Variants in TARBP1 observed in about 807,000 individuals in gnomAD.
TARBP1 encodes the protein tRNA (guanosine(18)-2'-O)-methyltransferase TARBP1.
In TARBP1, 144 loss-of-function variants were observed where a neutral mutation model predicts 178.6. That is an observed-to-expected ratio of 0.81 (90% CI 0.70 to 0.93). The LOEUF (loss-of-function observed/expected upper bound fraction) is 0.93, where lower values mean the gene tolerates loss of function less well. Among genes scored for constraint, TARBP1 ranks in the 40% least tolerant of loss-of-function variants. The pLI is 0.00. For synonymous variants in TARBP1, 787 were observed against 781.0 expected (o/e 1.01, Z -0.13); for missense variants, 2,067 against 2,011.7 (o/e 1.03, Z -0.53).
At chr1:234,411,822 G>T (rs958059564) in intron 22 of TARBP1, among the ~76,000 whole-genome samples, 6 of 152,076 alleles carry the variant, frequency 3.9e-5, no homozygotes, top group African/African-American at 1.2e-4. Flanking sequence ...CATTATTTTA[G>T]TGATAATAAA....
rs572900167 is a variant in TARBP1, at chr1:234,458,531, G to A, written c.1632+699C>T. Among the ~76,000 whole-genome samples, 12 of 152,134 alleles carry A rather than the reference G, an allele frequency of 7.9e-5. No homozygotes were observed. In the South Asian group the frequency reaches 1.0e-3, roughly 13 times the overall value. ...ATAGTTTTTTTGGAATATAGCCAACGCCTGTTTATTTAGTTCAGAAGTTGC... is the reference window on the plus strand; with the variant it reads ...ATAGTTTTTTTGGAATATAGCCAACACCTGTTTATTTAGTTCAGAAGTTGC... On this transcript the variant is annotated intron_variant, in intron 8 of 29. Coordinates refer to ENST00000040877, the MANE Select transcript of TARBP1 (RefSeq NM_005646.4).
chr1:234,398,271 C>A, intron 26 of TARBP1, 111 bp downstream of exon 26: 1 of 882,016 alleles, frequency 1.1e-6, no homozygotes, highest in Non-Finnish European at 1.6e-6. Flanking sequence ...GCAGAGGTCA[C>A]CATGTCAATG....
intron 20 of TARBP1, among the ~76,000 whole-genome samples, chr1:234,421,650 G>T (rs1376621888): frequency 6.6e-6 from 1 of 152,224 alleles, no homozygotes; most frequent in Non-Finnish European, 1.5e-5. Flanking sequence ...CAAGAAAATG[G>T]CAGCACTGAG....
chr1:234,463,938 C>A lies in TARBP1; in HGVS notation c.1302-4G>T. 6.4e-7 allele frequency: 1 copy of A among 1,557,192 alleles called. No individual in the cohort carries two copies. The highest frequency in any genetic ancestry group is 2.0e-5 in the Admixed American group (1 of 50,566). ...TCCTATTGGCTGGCCTGGGGACCTA[C>A]AAACAGAGAGTGGGGAAAACAAATA... On this transcript the variant is annotated splice_region_variant and splice_polypyrimidine_tract_variant and intron_variant, in intron 5 of 29. Coordinates refer to ENST00000040877, the MANE Select transcript of TARBP1 (RefSeq NM_005646.4).
chr1:234,451,275 A>G (rs1301497923), intron 9 of TARBP1, among the ~76,000 whole-genome samples: 2 of 152,238 alleles, frequency 1.3e-5, no homozygotes, highest in Middle Eastern at 3.2e-3. Context: ...TTTCCTTTTT[A>G]TAATATCTGT....
chr1:234,464,585 T>C lies in TARBP1; in HGVS notation c.1302-651A>G, dbSNP rs1321036178. On this transcript the variant is annotated intron_variant, in intron 5 of 29. Coordinates refer to ENST00000040877, the MANE Select transcript of TARBP1 (RefSeq NM_005646.4). ...ATTGCTTCAGAAAACTATTCAGTAG[T>C]AATGAGTTATTTGAAAACTAAAAAT... is the stretch of plus-strand genomic sequence containing the variant. Among the ~76,000 whole-genome samples, 3 of 152,324 alleles carry C rather than the reference T, an allele frequency of 2.0e-5. No homozygotes were observed. The East Asian group carries it at 5.8e-4, about 29-fold the overall frequency.
chr1:234,395,385 A>G (rs965945198), intron 26 of TARBP1, among the ~76,000 whole-genome samples: 2 of 152,218 alleles, frequency 1.3e-5, no homozygotes, highest in African/African-American at 4.8e-5. Context: ...CCAGGTAAAA[A>G]CAATGCCAGT....
chr1:234,435,971 G>T (rs1230624754), intron 13 of TARBP1, among the ~76,000 whole-genome samples: 1 of 152,100 alleles, frequency 6.6e-6, no homozygotes, highest in Non-Finnish European at 1.5e-5. Context: ...GGAAAGTGTG[G>T]GAAGAGAATT....
intron 24 of TARBP1, among the ~76,000 whole-genome samples, chr1:234,403,232 C>T (rs1182219969): frequency 6.6e-6 from 1 of 152,212 alleles, no homozygotes; most frequent in African/African-American, 2.4e-5. Flanking sequence ...CCAGACCAAG[C>T]TTGCTTTAGT....
At chr1:234,408,351 T>G (rs151044142) in intron 23 of TARBP1, among the ~76,000 whole-genome samples, 1 of 152,322 alleles carries the variant, frequency 6.6e-6, no homozygotes, top group South Asian at 2.1e-4. Flanking sequence ...TTCCTGGGTG[T>G]AGGCTCAACT....
In TARBP1 at chr1:234,394,382, A is replaced by G. The variant is rs907032900; in HGVS notation, c.4244-545T>C. ...TGAGGACACAGAACGTTACTAGCCT[A>G]TCTGACTGCAGTGTTTTCATCTCTG... On this transcript the variant is annotated intron_variant, in intron 26 of 29. Transcript: ENST00000040877. Among the ~76,000 whole-genome samples, 3 of 152,358 alleles carry G rather than the reference A, an allele frequency of 2.0e-5. No homozygotes were observed. The South Asian group carries it at 6.2e-4, about 32-fold the overall frequency.
chr1:234,468,267 A>G (rs1429370817), intron 3 of TARBP1, among the ~76,000 whole-genome samples: 4 of 152,104 alleles, frequency 2.6e-5, no homozygotes, highest in Non-Finnish European at 5.9e-5. Context: ...AGCCTGGCCA[A>G]CATGGCAAAA....
At chr1:234,455,089 T>C (rs1387666619) in intron 9 of TARBP1, among the ~76,000 whole-genome samples, 1 of 152,078 alleles carries the variant, frequency 6.6e-6, no homozygotes, top group East Asian at 1.9e-4. Flanking sequence ...GATGAGGAAG[T>C]GGACTCGCCC....
chr1:234,449,177 C>T (rs1240976878), intron 10 of TARBP1, among the ~76,000 whole-genome samples: 1 of 152,174 alleles, frequency 6.6e-6, no homozygotes, highest in Non-Finnish European at 1.5e-5. Flanking sequence ...ACTGAAGTGG[C>T]ATAAACAGGC....
chr1:234,411,755 T>C (rs1377929302), intron 22 of TARBP1, among the ~76,000 whole-genome samples: 2 of 152,170 alleles, frequency 1.3e-5, no homozygotes, highest in Non-Finnish European at 2.9e-5. Context: ...AAAAAGACTG[T>C]TCAACTGGAA....
rs111632937 is a variant in TARBP1, at chr1:234,391,769, A to G, written c.4698-24T>C. On this transcript the variant is annotated intron_variant, in intron 29 of 29. Transcript: ENST00000040877. ...TTCTGAGGAAGAAAATGGAAGAAAG[A>G]TTAGTTTTCCTGTAACAAACAATTT... 5 of 1,603,984 alleles carry G rather than the reference A, an allele frequency of 3.1e-6. No individual in the cohort carries two copies. In the African/African-American group the frequency reaches 4.0e-5, roughly 13 times the overall value.
Position 234,478,938 on chromosome 1 carries a change from C to G in TARBP1, c.166G>C (p.Ala56Pro). ...EEARGSGGAG[A>P]LPEAAREVAA... is the part of the protein sequence containing the mutation. ...ACCTCGCGCGCCGCCTCCGGGAGCG[C>G]GCCTGCGCCCCCGCTGCCGCGCGCC... The change falls in exon 1 of 30, where the codon GCG becomes CCG. Residue 56 changes from alanine to proline, a missense_variant. Transcript: ENST00000040877. 6.9e-7 allele frequency: 1 copy of G among 1,446,560 alleles called. No individual in the cohort carries two copies. Among genetic ancestry groups the G allele is most frequent in the Non-Finnish European group, 9.0e-7 (1 of 1,108,336 alleles). 89.6% of individuals were successfully genotyped at this position (1,446,560 alleles called of 1,614,324 possible). A position where few individuals can be genotyped will look rare whatever the true frequency, so the allele number is the denominator to read the frequency against.
chr1:234,457,702 CCT>C lies in TARBP1; in HGVS notation c.1685_1686del (p.Glu562GlyfsTer15). 1 of 1,610,008 alleles carries C rather than the reference CCT, an allele frequency of 6.2e-7. No homozygotes were observed. The highest frequency in any genetic ancestry group is 8.5e-7 in the Non-Finnish European group (1 of 1,177,374). On this transcript the variant is annotated frameshift_variant, in exon 9 of 30. Coordinates refer to ENST00000040877, the MANE Select transcript of TARBP1 (RefSeq NM_005646.4). LOFTEE classifies it high-confidence loss of function. ...VSTFLMSLRQ[E>X]ESLGRGTSLW... ...AATGAAGTTCCTCGTCCTAAGGATTCCTCTTGTCTCAGAGACATGAGAAAAGT... is the reference window on the plus strand; with the variant it reads ...AATGAAGTTCCTCGTCCTAAGGATTCCTTGTCTCAGAGACATGAGAAAAGT...
chr1:234,394,578 A>C (rs1659724447), intron 26 of TARBP1, among the ~76,000 whole-genome samples: 1 of 152,210 alleles, frequency 6.6e-6, no homozygotes, highest in African/African-American at 2.4e-5. Context: ...AGGGGTTACT[A>C]ATGTCTAGGG....
Sources: allele counts gnomAD v4.1 joint callset (sites outside exome capture counted in the v4.1 genomes callset), GRCh38; gene constraint gnomAD v4.1.1; transcripts MANE v1.5; gene names NCBI Gene and HGNC (gene_info 2026-07-23, HGNC 2026-07-21).